CENPV: variants seen among roughly 807,000 people sequenced by gnomAD.
CENPV encodes centromere protein V.
Under a neutral mutation model 26.4 loss-of-function variants are expected in CENPV, and 15 were observed. The ratio of observed to expected loss-of-function variants is 0.57; its 90% CI spans 0.38 to 0.88. CENPV has a LOEUF of 0.88. Ranked by LOEUF, CENPV falls within the 40% of genes least tolerant of loss-of-function variation. The pLI is 0.00. For synonymous variants in CENPV, 172 were observed against 165.5 expected, an observed-to-expected ratio of 1.04 and a Z score of -0.30; for missense variants, 336 against 376.5, an observed-to-expected ratio of 0.89 and a Z score of 0.89.
chr17:16,353,349 C>G lies in CENPV; in HGVS notation c.88G>C (p.Ala30Pro), dbSNP rs1568871517. 145 of 1,286,144 alleles carry G rather than the reference C, an allele frequency of 1.1e-4. No individual in the cohort carries two copies. The highest frequency in any genetic ancestry group is 2.8e-4 in the East Asian group (8 of 28,474). 79.7% of individuals were successfully genotyped at this position (1,286,144 alleles called of 1,614,324 possible). A position where few individuals can be genotyped will look rare whatever the true frequency, so the allele number is the denominator to read the frequency against. ...CGGGTGGCGCTGGGTGCCAAGGCAGCGGCCGCGGAGGCCGCGGGGGCCGCG... is the reference window on the plus strand; with the variant it reads ...CGGGTGGCGCTGGGTGCCAAGGCAGGGGCCGCGGAGGCCGCGGGGGCCGCG... ...ASAAPAASAAAALAPSATRTR... is the reference protein window; with the variant it reads ...ASAAPAASAAPALAPSATRTR... The change falls in exon 1 of 5, where the codon GCT becomes CCT. Residue 30 changes from alanine (A) to proline (P), a missense_variant. By Grantham distance (27) the Ala-to-Pro change is conservative. Coordinates refer to ENST00000299736, the MANE Select transcript of CENPV (RefSeq NM_181716.3).
Position 16,353,261 on chromosome 17 carries a change from T to C in CENPV, c.176A>G (p.Glu59Gly). The stretch of plus-strand genomic sequence containing the variant: ...CGACGAGCGCCTCAGCCGCGGCTTC[T>C]CCGACGGCGGCTTCTCCACCGCCTG... ...KSQAVEKPPS[E>G]KPRLRRSSPR... Residue 59 changes from glutamate to glycine, a missense_variant, in exon 1 of 5, where the codon GAG becomes GGG. Physicochemically the swap from Glu to Gly is moderately conservative, Grantham distance 98 (BLOSUM62 -2). Coordinates refer to ENST00000299736, the MANE Select transcript of CENPV (RefSeq NM_181716.3). 1 of 1,418,032 alleles carries C rather than the reference T, an allele frequency of 7.1e-7. No individual in the cohort carries two copies. Among genetic ancestry groups the C allele is most frequent in the Non-Finnish European group, 9.2e-7 (1 of 1,086,752 alleles). 87.8% of individuals were successfully genotyped at this position (1,418,032 alleles called of 1,614,324 possible).
rs538929586 is a variant in CENPV, at chr17:16,344,026, A to G, written c.694+571T>C. Among the ~76,000 whole-genome samples the G allele has an allele frequency of 1.7e-4, 26 of 152,232 alleles. 1 individual carries two copies. In the South Asian group the frequency reaches 5.4e-3, roughly 32 times the overall value. On this transcript the variant is annotated intron_variant, in intron 4 of 4. Coordinates refer to ENST00000299736, the MANE Select transcript of CENPV (RefSeq NM_181716.3). The stretch of plus-strand genomic sequence containing the variant: ...CCTGCTTGTTTATTATTTTTTAAAA[A>G]GAACAGAGATACGGTTTTGCTATGT...
chr17:16,350,856 G>A (rs1414751395), intron 1 of CENPV: 1 of 151,990 alleles, frequency 6.6e-6, no homozygotes. Context: ...CTTAATAAAG[G>A]CTCTTATATT....
At chr17:16,352,752 C>G (rs560279036) in intron 1 of CENPV, among the ~76,000 whole-genome samples, 1 of 152,282 alleles carries the variant, frequency 6.6e-6, no homozygotes, top group African/African-American at 2.4e-5. Context: ...GGGAAAGACT[C>G]TTTGTGTCCC....
Position 16,342,607 on chromosome 17 carries a change from T to G in CENPV, c.*210A>C, listed in dbSNP as rs753833978. On this transcript the variant is annotated 3_prime_UTR_variant, in exon 5 of 5. Coordinates refer to ENST00000299736, the MANE Select transcript of CENPV (RefSeq NM_181716.3). The stretch of plus-strand genomic sequence containing the variant: ...AAGTTGGGAAGAGAAGGATGTCAAT[T>G]AGACTACATCAAAATCTGGGCAGAG... The G allele has an allele frequency of 9.0e-6, 5 of 556,456 alleles. No individual in the cohort carries two copies. The highest frequency in any genetic ancestry group is 1.6e-5 in the Non-Finnish European group (5 of 313,002). 34.5% of individuals were successfully genotyped at this position (556,456 alleles called of 1,614,324 possible).
chr17:16,343,994 A>C (rs1260741942), intron 4 of CENPV, among the ~76,000 whole-genome samples: 1 of 152,034 alleles, frequency 6.6e-6, no homozygotes, highest in African/African-American at 2.4e-5. Flanking sequence ...CGGGGCTTGG[A>C]GGGTTCCCTG....
chr17:16,345,506 G>A (rs2093202799), intron 3 of CENPV, among the ~76,000 whole-genome samples: 1 of 152,004 alleles, frequency 6.6e-6, no homozygotes, highest in South Asian at 2.1e-4. Flanking sequence ...GGGAAGTAGA[G>A]GCTGCAGTGG....
At chr17:16,348,434 G>C in intron 3 of CENPV, 182 bp downstream of exon 3, 1 of 1,378,500 alleles carries the variant, frequency 7.3e-7, no homozygotes, top group Non-Finnish European at 9.5e-7. Flanking sequence ...TGGGATTACA[G>C]GCGTGAGCCA....
intron 4 of CENPV, among the ~76,000 whole-genome samples, chr17:16,343,941 A>C (rs542247342): frequency 3.5e-4 from 54 of 152,288 alleles, no homozygotes; most frequent in African/African-American, 1.3e-3. Context: ...CAACTGTCAG[A>C]GGGTTAGTTT....
rs1568871517 is a variant in CENPV at position 16,353,349 on chromosome 17, C to T, written c.88G>A (p.Ala30Thr). ...CGGGTGGCGCTGGGTGCCAAGGCAG[C>T]GGCCGCGGAGGCCGCGGGGGCCGCG... ...ASAAPAASAA[A>T]ALAPSATRTR... Residue 30 changes from alanine to threonine, a missense_variant, in exon 1 of 5, where the codon GCT becomes ACT. By Grantham distance (58) the Ala-to-Thr change is moderately conservative (BLOSUM62 0). Coordinates refer to ENST00000299736, the MANE Select transcript of CENPV (RefSeq NM_181716.3). 6 of 1,286,238 alleles carry T rather than the reference C, an allele frequency of 4.7e-6. No homozygotes were observed. The highest frequency in any genetic ancestry group is 2.1e-5 in the South Asian group (1 of 47,350). The allele number at this position is 1,286,238 out of a possible 1,614,324, so 79.7% of individuals were successfully genotyped here. A position where few individuals can be genotyped will look rare whatever the true frequency, so the allele number is the denominator to read the frequency against.
In CENPV at chr17:16,353,303, T is replaced by C; in HGVS notation, c.134A>G (p.Gln45Arg). 1 of 1,406,816 alleles carries C rather than the reference T, an allele frequency of 7.1e-7. No individual in the cohort carries two copies. The allele number at this position is 1,406,816 out of a possible 1,614,324, so 87.1% of individuals were successfully genotyped here. A position where few individuals can be genotyped will look rare whatever the true frequency, so the allele number is the denominator to read the frequency against. ...CACCGCCTGGCTCTTGCTCCCGGCC[T>C]GGCTAGCGGAGCGCCGTGTGCGGGT... ...SATRTRRSAS[Q>R]AGSKSQAVEK... The change falls in exon 1 of 5, where the codon CAG becomes CGG. Residue 45 changes from glutamine to arginine, a missense_variant. Physicochemically the swap from Gln to Arg is conservative, Grantham distance 43 (BLOSUM62 1). Transcript: ENST00000299736.
At chr17:16,349,749 T>C in intron 2 of CENPV, 182 bp downstream of exon 2, 1 of 1,404,546 alleles carries the variant, frequency 7.1e-7, no homozygotes, top group Non-Finnish European at 9.3e-7. Context: ...AGCTCTGTGA[T>C]GAGCCATATA....
At position 16,353,039 on chromosome 17, in the gene CENPV, A is replaced by T. The variant is rs2093234395; in HGVS notation, c.398T>A (p.Leu133Gln). ...CCGCCGCACTCACAAGGTGTCTAGC[A>T]GGAGCTTGGCGGCACCCTCGGAGGT... is the stretch of plus-strand genomic sequence containing the variant. Reference protein sequence around the residue: ...KLTSEGAAKLLLDTFEYQGLV... With the variant: ...KLTSEGAAKLQLDTFEYQGLV... Residue 133 changes from leucine (L) to glutamine (Q), a missense_variant, in exon 1 of 5, where the codon CTG becomes CAG. Leu to Gln is a moderately radical substitution (Grantham distance 113, BLOSUM62 -2). Transcript: ENST00000299736. 1 of 1,576,612 alleles carries T rather than the reference A, an allele frequency of 6.3e-7. No homozygotes were observed. Among genetic ancestry groups the T allele is most frequent in the Non-Finnish European group, 8.6e-7 (1 of 1,162,830 alleles).
chr17:16,349,273 T>C, intron 2 of CENPV: 2 of 986,646 alleles, frequency 2.0e-6, no homozygotes, highest in Non-Finnish European at 2.4e-6. Context: ...AGTAGCCTGG[T>C]CAGTTCTCCA....
At chr17:16,349,582 A>G in intron 2 of CENPV, 1 of 1,030,072 alleles carries the variant, frequency 9.7e-7, no homozygotes, top group Non-Finnish European at 1.2e-6. Context: ...CTAGACTTCT[A>G]TGAAGATTCT....
chr17:16,349,221 GT>G, intron 2 of CENPV: 1 of 988,316 alleles, frequency 1.0e-6, no homozygotes, highest in Non-Finnish European at 1.2e-6. Context: ...CCTCTCACAA[GT>G]TATTCCACAG....
rs1443334230 is a variant in CENPV, at chr17:16,350,380, A to G, written c.411-351T>C. On this transcript the variant is annotated intron_variant, in intron 1 of 4. Transcript: ENST00000299736. ...TTTTTTTGAGATGGAGTCTCAGTCT[A>G]TTGCCCAGGCTGGAGTACGGTGGCA... Among the ~76,000 whole-genome samples, 3 of 147,418 alleles carry G rather than the reference A, an allele frequency of 2.0e-5. No individual in the cohort carries two copies. In the Admixed American group the frequency reaches 2.0e-4, roughly 10 times the overall value.
intron 1 of CENPV, among the ~76,000 whole-genome samples, 194 bp downstream of exon 1, chr17:16,352,833 A>T (rs974028211): frequency 1.3e-5 from 2 of 151,616 alleles, no homozygotes; most frequent in Non-Finnish European, 2.9e-5. Context: ...CAGCCCTAGA[A>T]GCACCGCCCC....
chr17:16,342,759 G>A lies in CENPV; in HGVS notation c.*58C>T, dbSNP rs1405833978. The A allele has an allele frequency of 1.1e-5, 18 of 1,609,386 alleles. No individual in the cohort carries two copies. In the Admixed American group the frequency reaches 3.0e-4, roughly 27 times the overall value. ...AGGAGCACCACCGAGGCACGGCAGG[G>A]AGAGCAAAGTTGCTGGCCCCAATCA... On this transcript the variant is annotated 3_prime_UTR_variant, in exon 5 of 5. Transcript: ENST00000299736.
Sources: allele counts gnomAD v4.1 joint callset (sites outside exome capture counted in the v4.1 genomes callset), GRCh38; gene constraint gnomAD v4.1.1; transcripts MANE v1.5; gene names NCBI Gene and HGNC (gene_info 2026-07-23, HGNC 2026-07-21).